NBPF12: variants seen among roughly 807,000 people sequenced by gnomAD.
NBPF12 encodes NBPF member 12.
Under a neutral mutation model 146.4 loss-of-function variants are expected in NBPF12, and 115 were observed. That is an observed-to-expected ratio of 0.79 (90% confidence interval 0.68 to 0.92). NBPF12 has a LOEUF of 0.92. Ranked by LOEUF, NBPF12 falls within the 40% of genes least tolerant of loss-of-function variation. NBPF12 has a pLI of 0.00. For missense variants in NBPF12, 1,205 were observed against 1,326.8 expected (o/e 0.91, Z 1.43); for synonymous variants, 385 against 508.9 (o/e 0.76, Z 3.28).
intron 10 of NBPF12, among the ~76,000 whole-genome samples, chr1:146,969,072 C>T (rs1420533744): frequency 6.6e-6 from 1 of 151,340 alleles, no homozygotes; most frequent in Non-Finnish European, 1.5e-5. Context: ...ATGGAAATGT[C>T]CATGGCCAGA....
exon 6 of NBPF12, chr1:146,963,207 C>T (rs2101850906): frequency 6.2e-7 from 1 of 1,600,370 alleles, no homozygotes; most frequent in East Asian, 2.2e-5. Flanking sequence ...CCAGGCCCTC[C>T]TCACTCCGGA....
intron 21 of NBPF12, among the ~76,000 whole-genome samples, chr1:146,984,423 G>A (rs1657590114): frequency 1.3e-5 from 2 of 148,492 alleles, no homozygotes; most frequent in Non-Finnish European, 3.0e-5. Flanking sequence ...GTATTCTCAT[G>A]GTGACTGCAG....
At chr1:146,966,880 G>T (rs1373895150) in intron 9 of NBPF12, among the ~76,000 whole-genome samples, 1 of 149,572 alleles carries the variant, frequency 6.7e-6, no homozygotes, top group South Asian at 2.1e-4. Context: ...TCAGGTGGGG[G>T]TGGGACTAGA....
chr1:146,962,257 A>G (rs1655894769), exon 5 of NBPF12: 1 of 1,604,052 alleles, frequency 6.2e-7, no homozygotes, highest in Non-Finnish European at 8.5e-7. Context: ...CAAGCTGAGG[A>G]GCTCAGGTGA....
exon 34 of NBPF12, chr1:146,995,568 GT>G (rs1219811059): frequency 1.3e-5 from 2 of 151,738 alleles, no homozygotes; most frequent in Non-Finnish European, 2.9e-5. Flanking sequence ...ACATGGACTT[GT>G]TTATAGAGGA....
intron 6 of NBPF12, among the ~76,000 whole-genome samples, chr1:146,964,124 CA>C (rs1656037261): frequency 1.4e-5 from 2 of 144,406 alleles, no homozygotes; most frequent in Admixed American, 1.4e-4. Flanking sequence ...ATATGGGAAG[CA>C]AAAGGTCTTT....
At chr1:146,944,327 G>A, upstream of NBPF12, among the ~76,000 whole-genome samples, 1 of 142,860 alleles carries the variant, frequency 7.0e-6, no homozygotes, top group East Asian at 2.1e-4. Flanking sequence ...CATTGAGAGG[G>A]GGAGAAAGAA....
rs1553883770 is a variant in NBPF12, at chr1:146,950,419, T to C, written c.-325-929T>C. The stretch of plus-strand genomic sequence containing the variant: ...CATAGAATAACAACTACAGTGATTC[T>C]AGTTCAAAATGAGGGAACATGGAGG... On this transcript the variant is annotated intron_variant, in intron 1 of 33. Transcript: ENST00000617844. Among the ~76,000 whole-genome samples the C allele has an allele frequency of 1.4e-4, 22 of 152,092 alleles. No individual in the cohort carries two copies. The East Asian group carries it at 4.2e-3, about 29-fold the overall frequency.
chr1:146,969,176 A>T, intron 10 of NBPF12, among the ~76,000 whole-genome samples: 1 of 151,398 alleles, frequency 6.6e-6, no homozygotes, highest in East Asian at 1.9e-4. Context: ...ATCATCGAGG[A>T]TCTTGCAGGA....
In NBPF12 at chr1:146,962,281, G is replaced by C. The variant is rs1331512084; in HGVS notation, c.278+18G>C. The C allele has an allele frequency of 8.8e-6, 14 of 1,595,148 alleles. No individual in the cohort carries two copies. The highest frequency in any genetic ancestry group is 5.5e-5 in the South Asian group (5 of 90,804). On this transcript the variant is annotated intron_variant, in intron 5 of 33. Coordinates refer to ENST00000617844, the Ensembl canonical transcript of NBPF12. ...GAGCTCAGGTGAGGGGACCCCATGG[G>C]GGGAGGCAGGCGGGTAGGTGTGTAG...
At chr1:146,967,809 C>G (rs1553885820) in intron 9 of NBPF12, among the ~76,000 whole-genome samples, 1 of 150,860 alleles carries the variant, frequency 6.6e-6, no homozygotes, top group Admixed American at 6.6e-5. Context: ...TCTCATAGAA[C>G]GTTTATTGGC....
chr1:146,940,324 C>G (rs1198738657), intron 1 of NBPF12, among the ~76,000 whole-genome samples: 15 of 151,844 alleles, frequency 9.9e-5, no homozygotes, highest in African/African-American at 3.6e-4. Flanking sequence ...TGCAGGTGAT[C>G]TGGGCGTGGT....
chr1:146,972,849 G>A, exon 14 of NBPF12: 1 of 1,276,632 alleles, frequency 7.8e-7, no homozygotes, highest in Non-Finnish European at 1.1e-6. Flanking sequence ...AGAAATCAAT[G>A]AGAAGTTGCG....
chr1:146,994,882 G>A lies in NBPF12; in HGVS notation c.*307G>A, dbSNP rs587673130. 202 of 474,986 alleles carry A rather than the reference G, an allele frequency of 4.3e-4. 4 individuals are homozygous for A. Among genetic ancestry groups the A allele is most frequent in the African/African-American group, 3.7e-3 (185 of 50,352 alleles). The allele number at this position is 474,986 out of a possible 1,614,324, so 29.4% of individuals were successfully genotyped here. On this transcript the variant is annotated 3_prime_UTR_variant, in exon 34 of 34. Transcript: ENST00000617844. ...AATTCCTCAGGGATTTCATTTTGCAGGCATGTCTCTGAGCTTCTATACCTA... is the reference window on the plus strand; with the variant it reads ...AATTCCTCAGGGATTTCATTTTGCAAGCATGTCTCTGAGCTTCTATACCTA...
chr1:146,946,512 C>CTTTTTTTTT (rs3071268), upstream of NBPF12, among the ~76,000 whole-genome samples: 1 of 40,998 alleles, frequency 2.4e-5, no homozygotes, highest in Non-Finnish European at 4.2e-5. Flanking sequence ...GATCTTTCAC[C>CTTTTTTTTT]TTTTTTTTTT....
Position 146,984,868 on chromosome 1 carries a change from G to A in NBPF12, c.2722G>A (p.Asp908Asn), listed in dbSNP as rs2101910770. 2.6e-6 allele frequency: 4 copies of A among 1,566,142 alleles called. No individual in the cohort carries two copies. The South Asian group carries it at 3.3e-5, about 13-fold the overall frequency. ...GCCTGAAGTCTTGCAGGACTCACTG[G>A]ATAGATGTTATTCAACTCCTTCAGT... is the stretch of plus-strand genomic sequence containing the variant. Residue 908 changes from aspartate (D) to asparagine (N), a missense_variant, in exon 22 of 34, where the codon GAT becomes AAT. Asp to Asn is a conservative substitution (Grantham distance 23). Coordinates refer to ENST00000617844, the Ensembl canonical transcript of NBPF12.
upstream of NBPF12, among the ~76,000 whole-genome samples, chr1:146,947,242 C>T (rs1482550798): frequency 6.6e-6 from 1 of 151,828 alleles, no homozygotes; most frequent in Non-Finnish European, 1.5e-5. Context: ...AGCCAGGCTA[C>T]CCTCAGCTTC....
intron 18 of NBPF12, among the ~76,000 whole-genome samples, chr1:146,978,411 CACA>C (rs1207501322): frequency 6.8e-6 from 1 of 146,608 alleles, no homozygotes; most frequent in African/African-American, 2.5e-5. Flanking sequence ...ACCACAGGTG[CACA>C]ACATCACATC....
intron 1 of NBPF12, 30 bp downstream of exon 4, chr1:146,949,452 T>C (rs1655227492): frequency 7.6e-6 from 1 of 131,440 alleles, no homozygotes; most frequent in African/African-American, 3.0e-5. Flanking sequence ...TGTAGTTCTT[T>C]CATTGATTGG....
Sources: gnomAD v4.1 joint callset for allele counts (sites outside exome capture counted in the v4.1 genomes callset) on GRCh38, gnomAD v4.1.1 for gene constraint, MANE v1.5 for transcripts, NCBI Gene and HGNC (gene_info 2026-07-23, HGNC 2026-07-21) for gene names.